The following CCDC159 variants were observed in gnomAD, a reference collection of about 807,000 sequenced individuals.
The protein encoded by CCDC159 is coiled-coil domain containing 159, also known as coiled-coil domain-containing protein 159.
In CCDC159, 40 loss-of-function variants were observed where a neutral mutation model predicts 50.9. The observed-to-expected ratio is 0.79, with a 90% CI of 0.61 to 1.02. The LOEUF is 1.02. CCDC159 is among the 50% of genes least tolerant of loss of function. The pLI is 0.00. For synonymous variants in CCDC159, 146 were observed against 138.9 expected, an observed-to-expected ratio of 1.05 and a Z score of -0.36; for missense variants, 356 against 371.5, an observed-to-expected ratio of 0.96 and a Z score of 0.34.
intron 1 of CCDC159, chr19:11,349,004 T>C: frequency 7.5e-7 from 1 of 1,340,942 alleles, no homozygotes; most frequent in Non-Finnish European, 9.8e-7. Flanking sequence ...TACAGCTCAC[T>C]GGTCCAGGAC....
chr19:11,346,779 A>C, intron 1 of CCDC159, 152 bp downstream of exon 1: 1 of 844,124 alleles, frequency 1.2e-6, no homozygotes, highest in East Asian at 2.7e-5. Flanking sequence ...GAGAGGAGGC[A>C]CTACTGGGGA....
At chr19:11,353,384 G>A (rs1967687749) in intron 7 of CCDC159, 67 bp from the exon 8 acceptor site, 2 of 1,493,848 alleles carry the variant, frequency 1.3e-6, no homozygotes, top group Non-Finnish European at 1.8e-6. Flanking sequence ...ACAGGTGTGA[G>A]CCACCGCGCC....
Position 11,350,014 on chromosome 19 carries a change from G to A in CCDC159, c.132G>A (p.Gln44=). ...TTGAGTCACTCAAGAGCCAGTTACAGGCCCAGACCAAGGTGAACCACCTTG... is the reference window on the plus strand; with the variant it reads ...TTGAGTCACTCAAGAGCCAGTTACAAGCCCAGACCAAGGTGAACCACCTTG... The part of the protein sequence containing the change: ...CELESLKSQL[Q]AQTKAFEFLN... Residue 44 remains glutamine, a synonymous_variant, in exon 3 of 11, where the codon CAG becomes CAA. Coordinates refer to ENST00000458408, the MANE Select transcript of CCDC159 (RefSeq NM_001080503.3). The A allele has an allele frequency of 1.2e-6, 2 of 1,613,720 alleles. No individual in the cohort carries two copies. Among genetic ancestry groups the A allele is most frequent in the Non-Finnish European group, 1.7e-6 (2 of 1,179,846 alleles).
At chr19:11,354,829 C>T in intron 10 of CCDC159, 44 bp from the exon 11 acceptor site, 4 of 1,612,766 alleles carry the variant, frequency 2.5e-6, no homozygotes, top group South Asian at 1.1e-5. Flanking sequence ...GCCCCGGAGT[C>T]CCCTGGACCT....
At position 11,350,938 on chromosome 19, in the gene CCDC159, T is replaced by C. The variant is rs1464126546; in HGVS notation, c.357T>C (p.Ser119=). The part of the protein sequence containing the change: ...LQGLEKTLRD[S]EEMQRARTTR... ...GGCTGGAGAAGACCCTGCGTGACAG[T>C]GAGGAGATGCAGCGGGCCCGCACCA... The change falls in exon 5 of 11, where the codon AGT becomes AGC. Residue 119 remains serine (S), a synonymous_variant. Coordinates refer to ENST00000458408, the MANE Select transcript of CCDC159 (RefSeq NM_001080503.3). 2.6e-6 allele frequency: 4 copies of C among 1,554,230 alleles called. No individual in the cohort carries two copies. Among genetic ancestry groups the C allele is most frequent in the Non-Finnish European group, 3.5e-6 (4 of 1,149,152 alleles).
chr19:11,352,046 T>G lies in CCDC159; in HGVS notation c.491-11T>G. On this transcript the variant is annotated splice_polypyrimidine_tract_variant and intron_variant, in intron 6 of 10. Transcript: ENST00000458408. ...TCAGCCTTTGTCCGCCTGAGCCCCC[T>G]CCCTCCACAGAAGCGCAGGAGGATG... is the stretch of plus-strand genomic sequence containing the variant. 6.2e-7 allele frequency: 1 copy of G among 1,613,274 alleles called. No homozygotes were observed.
At chr19:11,353,746 G>A (rs776772499) in intron 8 of CCDC159, 46 bp from the exon 9 acceptor site, 2 of 1,554,466 alleles carry the variant, frequency 1.3e-6, no homozygotes, top group South Asian at 2.3e-5. Context: ...TACACCCTGA[G>A]CAGTGTGGAG....
intron 4 of CCDC159, 65 bp downstream of exon 4, chr19:11,350,264 A>C (rs1967498419): frequency 7.0e-7 from 1 of 1,434,716 alleles, no homozygotes; most frequent in African/African-American, 1.4e-5. Flanking sequence ...CTGTAATCCC[A>C]GCATTTGGGG....
intron 5 of CCDC159, 175 bp downstream of exon 5, chr19:11,351,178 T>G: frequency 1.5e-6 from 1 of 666,112 alleles, no homozygotes; most frequent in Non-Finnish European, 2.4e-6. Flanking sequence ...GGCTCATGCC[T>G]GTAATCCCAG....
chr19:11,351,711 T>A, intron 5 of CCDC159, 195 bp from the exon 6 acceptor site: 1 of 515,536 alleles, frequency 1.9e-6, no homozygotes, highest in Non-Finnish European at 3.4e-6. Context: ...TGGGAGAGAC[T>A]GAGAGAATGG....
intron 1 of CCDC159, among the ~76,000 whole-genome samples, chr19:11,347,865 C>G (rs1484200824): frequency 6.6e-6 from 1 of 152,192 alleles, no homozygotes; most frequent in Non-Finnish European, 1.5e-5. Flanking sequence ...AGACCCAGAG[C>G]TCAGCTGTTT....
At chr19:11,349,463 C>A in intron 1 of CCDC159, 191 bp from the exon 2 acceptor site, 1 of 677,142 alleles carries the variant, frequency 1.5e-6, no homozygotes, top group Non-Finnish European at 2.5e-6. Flanking sequence ...CATAAGTGCA[C>A]TTCTGAGCAT....
chr19:11,349,848 T>C, intron 2 of CCDC159, 90 bp from the exon 3 acceptor site: 1 of 1,323,256 alleles, frequency 7.6e-7, no homozygotes, highest in South Asian at 1.2e-5. Context: ...CTGTCCCTAC[T>C]GCTACTCTGA....
chr19:11,348,787 T>G (rs1967408187), intron 1 of CCDC159: 6 of 527,322 alleles, frequency 1.1e-5, no homozygotes, highest in African/African-American at 5.8e-5. Flanking sequence ...GGACCCTGAC[T>G]ACTCTGTGTC....
At chr19:11,349,889 C>T (rs1369862000) in intron 2 of CCDC159, 49 bp from the exon 3 acceptor site, 4 of 1,579,930 alleles carry the variant, frequency 2.5e-6, no homozygotes, top group African/African-American at 1.3e-5. Flanking sequence ...TGCCCTTGCC[C>T]CAGACCCCAC....
At position 11,350,809 on chromosome 19, in the gene CCDC159, G is replaced by A; in HGVS notation, c.228G>A (p.Glu76=). 3.2e-6 allele frequency: 5 copies of A among 1,546,312 alleles called. No individual in the cohort carries two copies. Among genetic ancestry groups the A allele is most frequent in the Non-Finnish European group, 4.4e-6 (5 of 1,145,458 alleles). ...GTCAAGGTCCCACACTCTCTGCAGA[G>A]GTGCTGAGCCCCACAGGCCGCCAGG... ...LQQIKIQQLE[E]VLSPTGRQGE... The change falls in exon 5 of 11, where the codon GAG becomes GAA. Residue 76 remains glutamate, a splice_region_variant and synonymous_variant. Coordinates refer to ENST00000458408, the MANE Select transcript of CCDC159 (RefSeq NM_001080503.3).
chr19:11,352,221 G>A, intron 7 of CCDC159, 88 bp downstream of exon 7: 5 of 1,336,306 alleles, frequency 3.7e-6, no homozygotes, highest in Non-Finnish European at 5.3e-6. Flanking sequence ...ATTGGAGCCT[G>A]GGTTCAAATC....
intron 1 of CCDC159, chr19:11,348,973 C>G: frequency 7.4e-7 from 1 of 1,342,620 alleles, no homozygotes; most frequent in African/African-American, 1.5e-5. Context: ...TAGGCTCTTC[C>G]TCGGACAAGG....
intron 7 of CCDC159, 98 bp downstream of exon 7, chr19:11,352,231 C>A: frequency 8.4e-7 from 1 of 1,195,708 alleles, no homozygotes; most frequent in Non-Finnish European, 1.2e-6. Flanking sequence ...GGGTTCAAAT[C>A]TCAGCTCTGC....
Sources: gnomAD v4.1 joint callset for allele counts (sites outside exome capture counted in the v4.1 genomes callset) on GRCh38, gnomAD v4.1.1 for gene constraint, MANE v1.5 for transcripts, NCBI Gene and HGNC (gene_info 2026-07-23, HGNC 2026-07-21) for gene names.